The following DPP6 variants were observed in gnomAD, a reference collection of about 807,000 sequenced individuals.
DPP6 encodes A-type potassium channel modulatory protein DPP6.
In DPP6, 69 loss-of-function variants were observed where a neutral mutation model predicts 122.6. The ratio of observed to expected loss-of-function variants is 0.56; its 90% confidence interval spans 0.46 to 0.69. DPP6 has a LOEUF of 0.69. Ranked by LOEUF, DPP6 falls within the 30% of genes least tolerant of loss-of-function variation. DPP6 has a pLI of 0.00. For missense variants in DPP6, 928 were observed against 1,116.9 expected (o/e 0.83, Z 2.41); for synonymous variants, 418 against 433.1 (o/e 0.97, Z 0.43).
intron 5 of DPP6, among the ~76,000 whole-genome samples, chr7:154,567,442 T>G (rs1212950913): frequency 1.3e-5 from 2 of 152,204 alleles, no homozygotes; most frequent in Non-Finnish European, 2.9e-5. Context: ...AATCTCACTG[T>G]GTATTAGTAG....
chr7:154,033,059 C>G (rs1225610637), intron 1 of DPP6, among the ~76,000 whole-genome samples: 1 of 152,052 alleles, frequency 6.6e-6, no homozygotes, highest in Non-Finnish European at 1.5e-5. Flanking sequence ...TACTGCTAAA[C>G]AGTTAAGTCT....
intron 1 of DPP6, among the ~76,000 whole-genome samples, chr7:154,181,506 C>T (rs1437160015): frequency 6.6e-6 from 1 of 152,182 alleles, no homozygotes; most frequent in Non-Finnish European, 1.5e-5. Flanking sequence ...AAATAAAGAT[C>T]CTGAAACTCC....
intron 1 of DPP6, among the ~76,000 whole-genome samples, chr7:154,198,190 T>C (rs1356064282): frequency 6.6e-6 from 1 of 152,162 alleles, no homozygotes; most frequent in Non-Finnish European, 1.5e-5. Context: ...TCTTTCCTTT[T>C]CCAGGTACAT....
At chr7:153,769,232 C>CT in the DPP6 span, among the ~76,000 whole-genome samples, 2 of 152,044 alleles carry the variant, frequency 1.3e-5, no homozygotes, top group South Asian at 4.2e-4. Context: ...CTTCCTGTAC[C>CT]TTGTTGTTCC....
At chr7:154,514,744 T>G (rs1454622326) in intron 3 of DPP6, among the ~76,000 whole-genome samples, 1 of 152,250 alleles carries the variant, frequency 6.6e-6, no homozygotes, top group African/African-American at 2.4e-5. Context: ...CTGGATGATA[T>G]TCCATTATAT....
chr7:154,234,773 T>C (rs2150858886), intron 1 of DPP6, among the ~76,000 whole-genome samples: 1 of 152,190 alleles, frequency 6.6e-6, no homozygotes, highest in South Asian at 2.1e-4. Context: ...TGCAATCAGG[T>C]GTGCACTCAG....
intron 8 of DPP6, among the ~76,000 whole-genome samples, chr7:154,735,463 A>T (rs1389797006): frequency 6.6e-6 from 1 of 152,218 alleles, no homozygotes; most frequent in Non-Finnish European, 1.5e-5. Flanking sequence ...AAGCTATCAG[A>T]CCTATGAGGT....
At chr7:153,808,419 CTGTG>C in the DPP6 span, among the ~76,000 whole-genome samples, 1 of 151,146 alleles carries the variant, frequency 6.6e-6, no homozygotes. Context: ...GTATGTGTGT[CTGTG>C]TGTGTGACTG....
chr7:154,280,254 T>C (rs1321584369), intron 1 of DPP6, among the ~76,000 whole-genome samples: 1 of 152,222 alleles, frequency 6.6e-6, no homozygotes, highest in Admixed American at 6.5e-5. Context: ...CAAACGTCAC[T>C]TGTAAATCTA....
chr7:154,837,374 T>TCACACATGCACG (rs559775326), intron 16 of DPP6, among the ~76,000 whole-genome samples: 56 of 152,124 alleles, frequency 3.7e-4, no homozygotes, highest in African/African-American at 1.3e-3. Context: ...ACAGGCACAT[T>TCACACATGCACG]CACACATGCA....
intron 16 of DPP6, among the ~76,000 whole-genome samples, chr7:154,808,113 C>T (rs1798813993): frequency 6.6e-6 from 1 of 152,166 alleles, no homozygotes; most frequent in African/African-American, 2.4e-5. Context: ...GAAAATATGC[C>T]ACAGGCAGAG....
chr7:154,165,025 C>CT (rs373642636), intron 1 of DPP6, among the ~76,000 whole-genome samples: 9,493 of 151,442 alleles, frequency 0.063, 1,020 homozygotes, highest in African/African-American at 0.22. Context: ...TTTTATTATA[C>CT]TTTAAGTTTT....
intron 1 of DPP6, among the ~76,000 whole-genome samples, chr7:154,324,871 T>TTTTA: frequency 6.9e-6 from 1 of 144,856 alleles, no homozygotes; most frequent in East Asian, 2.0e-4. Flanking sequence ...TTTGTTATTT[T>TTTTA]TTTTTTTTTT....
At chr7:154,064,174 C>T (rs1417725963) in intron 1 of DPP6, among the ~76,000 whole-genome samples, 3 of 152,136 alleles carry the variant, frequency 2.0e-5, no homozygotes, top group African/African-American at 7.2e-5. Context: ...CTCTGTCCCG[C>T]TCCCCGTTCA....
chr7:154,747,403 C>G (rs370751065), intron 8 of DPP6, among the ~76,000 whole-genome samples: 1 of 152,302 alleles, frequency 6.6e-6, no homozygotes, highest in East Asian at 1.9e-4. Context: ...TGAGAGAGCT[C>G]TGAAGTCTAA....
At chr7:154,166,409 G>C (rs1282092557) in intron 1 of DPP6, among the ~76,000 whole-genome samples, 1 of 152,160 alleles carries the variant, frequency 6.6e-6, no homozygotes, top group African/African-American at 2.4e-5. Flanking sequence ...CTGCAAGGGA[G>C]CATTGCGGGA....
At chr7:154,231,563 G>A (rs752989325) in intron 1 of DPP6, among the ~76,000 whole-genome samples, 14 of 152,196 alleles carry the variant, frequency 9.2e-5, no homozygotes, top group South Asian at 4.2e-4. Context: ...GGGAGGTGTC[G>A]GCATGGAATA....
chr7:154,401,019 G>A (rs1815527733), intron 1 of DPP6, among the ~76,000 whole-genome samples: 1 of 152,024 alleles, frequency 6.6e-6, no homozygotes, highest in Non-Finnish European at 1.5e-5. Context: ...TGGCCAACAT[G>A]GCAAAACCTC....
chr7:154,846,959 AC>A (rs1801991698), intron 16 of DPP6, among the ~76,000 whole-genome samples: 1 of 152,116 alleles, frequency 6.6e-6, no homozygotes, highest in Non-Finnish European at 1.5e-5. Context: ...CATGTGAGTA[AC>A]TGCGTTTTAT....
Sources: allele counts gnomAD v4.1 joint callset (sites outside exome capture counted in the v4.1 genomes callset), GRCh38; gene constraint gnomAD v4.1.1; transcripts MANE v1.5; gene names NCBI Gene and HGNC (gene_info 2026-07-23, HGNC 2026-07-21).